WDR70: variants seen among roughly 807,000 people sequenced by gnomAD.
WDR70 encodes WD repeat-containing protein 70.
Under a neutral mutation model 88.6 loss-of-function variants are expected in WDR70, and 53 were observed. The ratio of observed to expected loss-of-function variants is 0.60; its 90% CI spans 0.48 to 0.75. The LOEUF is 0.75. Ranked by LOEUF, WDR70 falls within the 30% of genes least tolerant of loss-of-function variation. The pLI is 0.00. For missense variants in WDR70, 610 were observed against 823.2 expected (o/e 0.74, Z 3.17); for synonymous variants, 280 against 270.0 (o/e 1.04, Z -0.36).
chr5:37,423,180 C>A (rs1444188623), intron 5 of WDR70, among the ~76,000 whole-genome samples: 4 of 151,960 alleles, frequency 2.6e-5, no homozygotes, highest in Admixed American at 2.6e-4. Flanking sequence ...TGGTAACTAA[C>A]CTCTTTCACT....
At chr5:37,690,781 C>T (rs1383326759) in intron 10 of WDR70, among the ~76,000 whole-genome samples, 1 of 152,166 alleles carries the variant, frequency 6.6e-6, no homozygotes, top group Non-Finnish European at 1.5e-5. Context: ...ACCATCGATG[C>T]TATGAAGAAA....
chr5:37,474,268 A>G (rs1045373535), intron 7 of WDR70, among the ~76,000 whole-genome samples: 3 of 152,224 alleles, frequency 2.0e-5, no homozygotes, highest in African/African-American at 7.2e-5. Context: ...TTTAAACATT[A>G]TTTGTATACT....
At chr5:37,584,046 G>A (rs2112431823) in intron 9 of WDR70, among the ~76,000 whole-genome samples, 1 of 152,252 alleles carries the variant, frequency 6.6e-6, no homozygotes, top group South Asian at 2.1e-4. Flanking sequence ...AGCACATTAG[G>A]TCTGTTAGTT....
chr5:37,480,438 G>A (rs13357253), intron 8 of WDR70, among the ~76,000 whole-genome samples: 2,958 of 152,284 alleles, frequency 0.019, 88 homozygotes, highest in African/African-American at 0.067. Context: ...GAGGTTAATT[G>A]TTTCACAGTT....
chr5:37,738,026 A>AG (rs1554016023), intron 17 of WDR70, among the ~76,000 whole-genome samples: 1 of 123,294 alleles, frequency 8.1e-6, no homozygotes, highest in Non-Finnish European at 1.7e-5. Context: ...TGTGCCTAAT[A>AG]TTTAAAAAAA....
intron 8 of WDR70, among the ~76,000 whole-genome samples, chr5:37,489,848 G>A: frequency 6.6e-6 from 1 of 151,890 alleles, no homozygotes; most frequent in Non-Finnish European, 1.5e-5. Flanking sequence ...ACAATGTGCA[G>A]GTTAGTTACA....
intron 13 of WDR70, among the ~76,000 whole-genome samples, chr5:37,719,657 A>T (rs976208220): frequency 1.3e-5 from 2 of 152,102 alleles, no homozygotes; most frequent in African/African-American, 4.8e-5. Context: ...TTCTAGAGTA[A>T]GTCTGTTAAA....
At chr5:37,730,450 CT>C (rs58801631) in intron 17 of WDR70, among the ~76,000 whole-genome samples, 149,664 of 151,688 alleles carry the variant, frequency 0.99, 73,860 homozygotes, top group Non-Finnish European at 1. Context: ...TATTGATTTG[CT>C]TTTTTTTTGG....
At chr5:37,637,629 G>C (rs1431033899) in intron 10 of WDR70, among the ~76,000 whole-genome samples, 2 of 152,126 alleles carry the variant, frequency 1.3e-5, no homozygotes, top group Admixed American at 1.3e-4. Flanking sequence ...AAAAGCTTAA[G>C]AACATGCACA....
chr5:37,572,249 C>A (rs1212333019), intron 9 of WDR70, among the ~76,000 whole-genome samples: 1 of 151,898 alleles, frequency 6.6e-6, no homozygotes, highest in Non-Finnish European at 1.5e-5. Context: ...AAGCCTGTGT[C>A]GTGCAATTCA....
chr5:37,469,199 G>C (rs1739253633), intron 7 of WDR70, among the ~76,000 whole-genome samples: 1 of 152,090 alleles, frequency 6.6e-6, no homozygotes. Context: ...TATTACATGG[G>C]ACTCTGACAT....
At chr5:37,750,884 T>C (rs959337425) in intron 17 of WDR70, among the ~76,000 whole-genome samples, 3 of 152,248 alleles carry the variant, frequency 2.0e-5, no homozygotes, top group Admixed American at 6.5e-5. Context: ...ATACAGAGAA[T>C]AACACCTTAA....
At chr5:37,394,364 G>A (rs995857521) in intron 4 of WDR70, among the ~76,000 whole-genome samples, 2 of 151,648 alleles carry the variant, frequency 1.3e-5, no homozygotes, top group African/African-American at 4.9e-5. Context: ...GGAAAATTTT[G>A]GAGTATGAAT....
At chr5:37,486,580 T>C (rs923256447) in intron 8 of WDR70, among the ~76,000 whole-genome samples, 15 of 151,734 alleles carry the variant, frequency 9.9e-5, no homozygotes, top group Admixed American at 7.9e-4. Flanking sequence ...CCTGACCTCA[T>C]GTGATCCGCC....
intron 7 of WDR70, among the ~76,000 whole-genome samples, chr5:37,468,317 A>G (rs1301973453): frequency 1.3e-5 from 2 of 152,190 alleles, no homozygotes; most frequent in Non-Finnish European, 2.9e-5. Context: ...GAATTTTATA[A>G]TTTATAATTT....
At chr5:37,600,179 A>G (rs1160959937) in intron 9 of WDR70, among the ~76,000 whole-genome samples, 1 of 152,188 alleles carries the variant, frequency 6.6e-6, no homozygotes, top group Non-Finnish European at 1.5e-5. Flanking sequence ...ACTTGGGGAA[A>G]ATATTTGCAA....
At chr5:37,438,565 T>TA (rs773156747) in intron 6 of WDR70, among the ~76,000 whole-genome samples, 1 of 152,130 alleles carries the variant, frequency 6.6e-6, no homozygotes, top group Admixed American at 6.5e-5. Flanking sequence ...AAGTAGTAGT[T>TA]AAATGAGTGA....
intron 8 of WDR70, among the ~76,000 whole-genome samples, chr5:37,480,213 T>A (rs900946233): frequency 6.6e-6 from 1 of 152,200 alleles, no homozygotes; most frequent in Non-Finnish European, 1.5e-5. Context: ...TGGTTTGCAG[T>A]CAGTGTCCTG....
At chr5:37,489,695 G>A (rs185875554) in intron 8 of WDR70, among the ~76,000 whole-genome samples, 42 of 152,178 alleles carry the variant, frequency 2.8e-4, no homozygotes, top group Admixed American at 2.4e-3. Context: ...GCAATCCTAG[G>A]CTATATGGTA....
Sources: allele counts gnomAD v4.1 joint callset (sites outside exome capture counted in the v4.1 genomes callset), GRCh38; gene constraint gnomAD v4.1.1; transcripts MANE v1.5; gene names NCBI Gene and HGNC (gene_info 2026-07-23, HGNC 2026-07-21).